The following IL20RA variants were observed in gnomAD, a reference collection of about 807,000 sequenced individuals.
IL20RA encodes interleukin 20 receptor subunit alpha.
A neutral mutation model predicts 36.5 loss-of-function variants in IL20RA; 29 were observed. That is an observed-to-expected ratio of 0.79 (90% CI 0.59 to 1.08). IL20RA has a LOEUF of 1.08. IL20RA is among the 50% of genes least tolerant of loss of function. The pLI is 0.00. For synonymous variants in IL20RA, 279 were observed against 267.1 expected (o/e 1.04, Z -0.43); for missense variants, 652 against 668.4 (o/e 0.98, Z 0.27).
intron 1 of IL20RA, among the ~76,000 whole-genome samples, chr6:137,023,897 C>T (rs564176537): frequency 2.4e-4 from 36 of 152,252 alleles, no homozygotes; most frequent in African/African-American, 8.7e-4. Context: ...AGTTTGAGAC[C>T]AGCCTGGCCA....
intron 1 of IL20RA, among the ~76,000 whole-genome samples, chr6:137,028,866 C>T (rs1776181202): frequency 6.7e-6 from 1 of 149,654 alleles, no homozygotes. Flanking sequence ...AAAAAAAATT[C>T]AATCTCATTT....
intron 5 of IL20RA, among the ~76,000 whole-genome samples, chr6:137,005,348 C>A (rs1009093130): frequency 6.6e-6 from 1 of 152,104 alleles, no homozygotes; most frequent in African/African-American, 2.4e-5. Flanking sequence ...GGACAGGGTG[C>A]AGTGCGAATG....
chr6:137,041,405 G>C (rs12110620), intron 1 of IL20RA, among the ~76,000 whole-genome samples: 6,930 of 152,228 alleles, frequency 0.046, 541 homozygotes, highest in African/African-American at 0.16. Flanking sequence ...GTTTTAATTG[G>C]GAGAAACCAG....
At chr6:137,018,760 G>A (rs1291326261) in intron 1 of IL20RA, among the ~76,000 whole-genome samples, 1 of 152,124 alleles carries the variant, frequency 6.6e-6, no homozygotes, top group Non-Finnish European at 1.5e-5. Context: ...TAGAACATGA[G>A]GAGGCAGCAC....
At chr6:137,004,385 A>G (rs1417008173) in intron 6 of IL20RA, among the ~76,000 whole-genome samples, 1 of 152,094 alleles carries the variant, frequency 6.6e-6, no homozygotes, top group Non-Finnish European at 1.5e-5. Context: ...ACTGTTGGCC[A>G]GGCTGGTCTT....
chr6:137,040,364 C>CT (rs1776645754), intron 1 of IL20RA, among the ~76,000 whole-genome samples: 1 of 152,026 alleles, frequency 6.6e-6, no homozygotes, highest in Non-Finnish European at 1.5e-5. Context: ...CCGAGAGCAC[C>CT]TAGAAACAAC....
intron 2 of IL20RA, among the ~76,000 whole-genome samples, chr6:137,014,364 T>C (rs561200058): frequency 1.3e-5 from 2 of 152,346 alleles, no homozygotes; most frequent in South Asian, 4.1e-4. Flanking sequence ...TGTATGATTC[T>C]GGATATCTCA....
intron 1 of IL20RA, among the ~76,000 whole-genome samples, chr6:137,035,331 T>C (rs1020608678): frequency 6.6e-6 from 1 of 152,206 alleles, no homozygotes. Context: ...TGCATACATG[T>C]ATATTAATTA....
chr6:137,016,868 T>C, intron 2 of IL20RA, 100 bp downstream of exon 2: 2 of 1,099,006 alleles, frequency 1.8e-6, no homozygotes, highest in East Asian at 2.5e-5. Flanking sequence ...TTTCTCTTTT[T>C]CAAACACATT....
intron 3 of IL20RA, 82 bp downstream of exon 3, chr6:137,011,192 C>T: frequency 1.7e-6 from 2 of 1,190,132 alleles, no homozygotes; most frequent in East Asian, 4.7e-5. Context: ...TTCCTCTGGG[C>T]AAGGCTGTCT....
chr6:137,014,052 G>A (rs1241451961), intron 2 of IL20RA, among the ~76,000 whole-genome samples: 1 of 152,184 alleles, frequency 6.6e-6, no homozygotes, highest in Non-Finnish European at 1.5e-5. Context: ...TAATGGATAA[G>A]GAGGCAAGGA....
Position 137,001,842 on chromosome 6 carries a change from G to T in IL20RA, c.1378C>A (p.Leu460Met). The change falls in exon 7 of 7, where the codon CTG (leucine) becomes ATG (methionine). Residue 460 changes from leucine (L) to methionine (M), a missense_variant. Transcript: ENST00000316649. ...YTPQLQDLDP[L>M]AQEHTDSEEG... is the part of the protein sequence containing the mutation. ...TCCGAGTCTGTGTGCTCCTGCGCCA[G>T]GGGGTCTAAGTCTTGGAGCTGAGGG... 1.2e-6 allele frequency: 2 copies of T among 1,613,478 alleles called. No individual in the cohort carries two copies. Among genetic ancestry groups the T allele is most frequent in the African/African-American group, 1.3e-5 (1 of 75,010 alleles).
At chr6:137,011,095 T>G (rs940861450) in intron 3 of IL20RA, among the ~76,000 whole-genome samples, 179 bp downstream of exon 3, 3 of 152,032 alleles carry the variant, frequency 2.0e-5, no homozygotes, top group Non-Finnish European at 4.4e-5. Flanking sequence ...AATCAGTCAA[T>G]CAAGGTGAGA....
Position 137,002,042 on chromosome 6 carries a change from G to T in IL20RA, c.1178C>A (p.Pro393His), listed in dbSNP as rs1775078609. 6.2e-7 allele frequency: 1 copy of T among 1,614,010 alleles called. No individual in the cohort carries two copies. Among genetic ancestry groups the T allele is most frequent in the Non-Finnish European group, 8.5e-7 (1 of 1,180,010 alleles). The part of the protein sequence containing the change: ...TQQESLSRTI[P>H]PDKTVIEYEY... ...ATATTCAATGACTGTTTTATCCGGGGGTATTGTTCTGCTGAGGGACTCTTG... is the reference window on the plus strand; with the variant it reads ...ATATTCAATGACTGTTTTATCCGGGTGTATTGTTCTGCTGAGGGACTCTTG... The change falls in exon 7 of 7, where the codon CCC becomes CAC. Residue 393 changes from proline (P) to histidine (H), a missense_variant. Pro to His is a moderately conservative substitution (Grantham distance 77). Transcript: ENST00000316649.
At chr6:137,032,972 G>T (rs1004290765) in intron 1 of IL20RA, among the ~76,000 whole-genome samples, 3 of 152,136 alleles carry the variant, frequency 2.0e-5, no homozygotes, top group African/African-American at 7.2e-5. Flanking sequence ...CAGGATAAAA[G>T]CAGGGCAATA....
intron 1 of IL20RA, 37 bp from the exon 2 acceptor site, chr6:137,017,140 G>A (rs1347731428): frequency 6.3e-7 from 1 of 1,577,678 alleles, no homozygotes; most frequent in Non-Finnish European, 8.7e-7. Flanking sequence ...GGTCTTAGTA[G>A]CAGAAAAGGA....
chr6:137,004,851 T>C (rs1775223475), intron 5 of IL20RA, 91 bp from the exon 6 acceptor site: 1 of 1,199,392 alleles, frequency 8.3e-7, no homozygotes, highest in Non-Finnish European at 1.2e-6. Flanking sequence ...ATCGTTAAGC[T>C]GCTTCTGTGC....
chr6:137,027,530 C>T (rs564922086), intron 1 of IL20RA, among the ~76,000 whole-genome samples: 2 of 152,334 alleles, frequency 1.3e-5, no homozygotes, highest in African/African-American at 2.4e-5. Context: ...CCATGCTCTA[C>T]GTCTTACCAG....
intron 1 of IL20RA, among the ~76,000 whole-genome samples, chr6:137,024,810 G>C (rs1776028562): frequency 6.6e-6 from 1 of 152,144 alleles, no homozygotes; most frequent in South Asian, 2.1e-4. Context: ...TGTGTAGGGT[G>C]TGTGTGGTCT....
Sources: gnomAD v4.1 joint callset for allele counts (sites outside exome capture counted in the v4.1 genomes callset) on GRCh38, gnomAD v4.1.1 for gene constraint, MANE v1.5 for transcripts, NCBI Gene and HGNC (gene_info 2026-07-23, HGNC 2026-07-21) for gene names.